The following RBKS variants were observed in gnomAD, a reference collection of about 807,000 sequenced individuals.
RBKS encodes ribokinase.
In RBKS, 33 loss-of-function variants were observed where a neutral mutation model predicts 33.9. The ratio of observed to expected loss-of-function variants is 0.97; its 90% CI spans 0.74 to 1.30. RBKS has a LOEUF of 1.30. Ranked by LOEUF, RBKS falls within the 50% of genes most tolerant of loss-of-function variation. The pLI is 0.00. For missense variants in RBKS, 361 were observed against 392.6 expected, an observed-to-expected ratio of 0.92 and a Z score of 0.68; for synonymous variants, 125 against 143.0, an observed-to-expected ratio of 0.87 and a Z score of 0.90.
Position 27,890,205 on chromosome 2 carries a change from C to T in RBKS, c.89+52G>A. On this transcript the variant is annotated intron_variant, in intron 1 of 7. Transcript: ENST00000302188. This position sits in a 1 kb window ranked among gnomAD's most constrained non-coding sequence, Gnocchi z 4.8. ...AAAGCTCCACTGGGCGCATAGCGCA[C>T]GGCACGCCTCCTCCCCCGAGCCGCA... The T allele has an allele frequency of 5.8e-6, 9 of 1,558,958 alleles. No individual in the cohort carries two copies. Among genetic ancestry groups the T allele is most frequent in the Non-Finnish European group, 7.9e-6 (9 of 1,135,306 alleles).
At chr2:27,879,955 A>C (rs534825152) in intron 1 of RBKS, among the ~76,000 whole-genome samples, 1 of 152,266 alleles carries the variant, frequency 6.6e-6, no homozygotes, top group South Asian at 2.1e-4. Flanking sequence ...ATTCCAAAAA[A>C]CTGAGGAGGA....
In RBKS at chr2:27,848,032, A is replaced by C. The variant is rs751039896; in HGVS notation, c.286+2T>G. 1 of 1,437,710 alleles carries C rather than the reference A, an allele frequency of 7.0e-7. No homozygotes were observed. Among genetic ancestry groups the C allele is most frequent in the South Asian group, 1.2e-5 (1 of 81,272 alleles). 89.1% of individuals were successfully genotyped at this position (1,437,710 alleles called of 1,614,324 possible). ...TAACTTTAAAAAAGGTGGGAATTTT[A>C]CCTGTAGAAATATCATTCTGTTTTA... On this transcript the variant is annotated splice_donor_variant, in intron 3 of 7. Transcript: ENST00000302188. LOFTEE classifies it high-confidence loss of function.
chr2:27,840,364 GCACACACACACACACA>G, intron 5 of RBKS, among the ~76,000 whole-genome samples: 1 of 130,152 alleles, frequency 7.7e-6, no homozygotes, highest in Non-Finnish European at 1.6e-5. Context: ...ACGCGCGCGC[GCACACACACACACACA>G]CACACACACA....
chr2:27,790,191 C>A (rs1677496129), intron 7 of RBKS, among the ~76,000 whole-genome samples: 1 of 151,892 alleles, frequency 6.6e-6, no homozygotes, highest in Non-Finnish European at 1.5e-5. Flanking sequence ...GAAACGCAAC[C>A]TGTACCCAGT....
chr2:27,870,938 G>C, intron 1 of RBKS: 1 of 456,186 alleles, frequency 2.2e-6, no homozygotes, highest in South Asian at 1.6e-5. Context: ...TGTCAACATC[G>C]GTAGACTCAT....
chr2:27,817,764 G>A (rs1678126410), intron 7 of RBKS, among the ~76,000 whole-genome samples: 1 of 152,186 alleles, frequency 6.6e-6, no homozygotes, highest in Non-Finnish European at 1.5e-5. Flanking sequence ...ATCATGACAA[G>A]TCACAAGTAG....
chr2:27,863,759 C>T (rs1558553751), intron 1 of RBKS, among the ~76,000 whole-genome samples: 1 of 152,284 alleles, frequency 6.6e-6, no homozygotes, highest in East Asian at 1.9e-4. Flanking sequence ...AATTAAAATT[C>T]ATTACACTAA....
At chr2:27,801,380 G>A (rs543574700) in intron 7 of RBKS, among the ~76,000 whole-genome samples, 2 of 151,452 alleles carry the variant, frequency 1.3e-5, no homozygotes, top group East Asian at 3.9e-4. Flanking sequence ...ATATCTCCCC[G>A]AAAGGGGTCA....
chr2:27,871,000 C>A, intron 1 of RBKS: 1 of 409,498 alleles, frequency 2.4e-6, no homozygotes, highest in Non-Finnish European at 5.0e-6. Flanking sequence ...AACAATTGTG[C>A]CTCAATGTCC....
At chr2:27,804,126 T>A (rs997660502) in intron 7 of RBKS, among the ~76,000 whole-genome samples, 13 of 152,252 alleles carry the variant, frequency 8.5e-5, no homozygotes, top group Non-Finnish European at 1.6e-4. Context: ...AAAGTTTTGA[T>A]ATTATTTTTG....
chr2:27,819,197 A>C (rs1211290763), intron 7 of RBKS, among the ~76,000 whole-genome samples: 1 of 152,080 alleles, frequency 6.6e-6, no homozygotes, highest in Non-Finnish European at 1.5e-5. Context: ...AGGTACTGGC[A>C]AAGTAGGTTT....
At chr2:27,880,865 C>T (rs866362174) in intron 1 of RBKS, among the ~76,000 whole-genome samples, 87 of 152,098 alleles carry the variant, frequency 5.7e-4, no homozygotes, top group African/African-American at 1.9e-3. Context: ...AGATTCAATG[C>T]TATTCTTATT....
At chr2:27,796,484 G>T (rs574930389) in intron 7 of RBKS, among the ~76,000 whole-genome samples, 1 of 152,292 alleles carries the variant, frequency 6.6e-6, no homozygotes, top group African/African-American at 2.4e-5. Flanking sequence ...TCTTAAGGAA[G>T]AGCTGCTCTT....
chr2:27,804,743 C>T (rs1327142023), intron 7 of RBKS, among the ~76,000 whole-genome samples: 1 of 152,140 alleles, frequency 6.6e-6, no homozygotes, highest in African/African-American at 2.4e-5. Flanking sequence ...GTACCAGGAG[C>T]TTGCTGTTTA....
chr2:27,782,728 AC>A (rs770762002), intron 7 of RBKS: 60 of 376,828 alleles, frequency 1.6e-4, no homozygotes, highest in Non-Finnish European at 1.6e-4. Flanking sequence ...CTGTAAAGTT[AC>A]TTTGCTCCCT....
At position 27,795,020 on chromosome 2, in the gene RBKS, G is replaced by A. The variant is rs1033939532; in HGVS notation, c.796-13232C>T. 3.3e-5 allele frequency among the ~76,000 whole-genome samples: 5 copies of A among 152,102 alleles called. No homozygotes were observed. The highest frequency in any genetic ancestry group is 7.2e-5 in the African/African-American group (3 of 41,412). On this transcript the variant is annotated intron_variant, in intron 7 of 7. Coordinates refer to ENST00000302188, the MANE Select transcript of RBKS (RefSeq NM_022128.3). The surrounding 1 kb of genome is among the most constrained non-coding windows in gnomAD (Gnocchi z 4.1). ...CAGTCCTGTTGTGATGGTATCCAGC[G>A]CCCTGTGCCAAGACCACCACTGGTT...
intron 1 of RBKS, chr2:27,861,550 C>A (rs1296287441): frequency 6.4e-6 from 3 of 470,666 alleles, no homozygotes; most frequent in African/African-American, 2.0e-5. Flanking sequence ...GTATCTCCTA[C>A]AAGGCAAAAT....
chr2:27,842,862 C>T (rs973680789), intron 5 of RBKS, among the ~76,000 whole-genome samples: 6 of 151,764 alleles, frequency 4.0e-5, no homozygotes, highest in East Asian at 3.9e-4. Context: ...TGCGGGATAT[C>T]GGAAATGCTA....
intron 5 of RBKS, among the ~76,000 whole-genome samples, chr2:27,840,026 T>A (rs1663448420): frequency 6.6e-6 from 1 of 150,776 alleles, no homozygotes; most frequent in East Asian, 1.9e-4. Flanking sequence ...TCTTCTTTTT[T>A]TTTTTTTTTT....
Sources: gnomAD v4.1 joint callset for allele counts (sites outside exome capture counted in the v4.1 genomes callset) on GRCh38, gnomAD v4.1.1 for gene constraint, Gnocchi (gnomAD v3.1) non-coding constraint, MANE v1.5 for transcripts, NCBI Gene and HGNC (gene_info 2026-07-23, HGNC 2026-07-21) for gene names.